The following THRB variants were observed in gnomAD, a reference collection of about 807,000 sequenced individuals.
THRB encodes the protein nuclear receptor subfamily 1 group A member 2.
THRB carries 12 observed loss-of-function variants against 47.8 expected under a neutral mutation model. That is an observed-to-expected ratio of 0.25 (90% CI 0.16 to 0.41). The LOEUF is 0.41. Among genes scored for constraint, THRB ranks in the 10% least tolerant of loss-of-function variants. The pLI is 1.00. For synonymous variants in THRB, 218 were observed against 212.2 expected (o/e 1.03, Z -0.24); for missense variants, 348 against 589.2 (o/e 0.59, Z 4.24).
intron 4 of THRB, among the ~76,000 whole-genome samples, chr3:24,193,375 G>C (rs2043583855): frequency 6.6e-6 from 1 of 152,122 alleles, no homozygotes; most frequent in Admixed American, 6.5e-5. Context: ...GATCTATCAA[G>C]TTCTCCAGGT....
At chr3:24,439,211 T>C (rs1421743796) in intron 1 of THRB, among the ~76,000 whole-genome samples, 1 of 152,072 alleles carries the variant, frequency 6.6e-6, no homozygotes, top group Non-Finnish European at 1.5e-5. Context: ...TAGATGTCAT[T>C]GTCAAGGGCA....
chr3:24,395,778 A>G (rs2066913086), intron 1 of THRB, among the ~76,000 whole-genome samples: 2 of 152,154 alleles, frequency 1.3e-5, no homozygotes, highest in Admixed American at 1.3e-4. Context: ...TCCAAGATAA[A>G]TGAAAATGTA....
At chr3:24,465,267 C>T (rs1016251457) in intron 1 of THRB, among the ~76,000 whole-genome samples, 3 of 152,028 alleles carry the variant, frequency 2.0e-5, no homozygotes, top group Admixed American at 6.6e-5. Flanking sequence ...TGGTATCTAG[C>T]GTCTATTGTT....
At chr3:24,301,624 G>C (rs982139559) in intron 2 of THRB, among the ~76,000 whole-genome samples, 2 of 152,078 alleles carry the variant, frequency 1.3e-5, no homozygotes, top group Admixed American at 1.3e-4. Flanking sequence ...ACATTTCCCT[G>C]ACACTTGGGG....
At chr3:24,132,011 T>C (rs114097101) in intron 9 of THRB, among the ~76,000 whole-genome samples, 1,664 of 152,276 alleles carry the variant, frequency 0.011, 13 homozygotes, top group Non-Finnish European at 0.016. Context: ...ATGGCTTCTG[T>C]GGAGGCTCAG....
intron 5 of THRB, among the ~76,000 whole-genome samples, chr3:24,175,861 C>A (rs186828417): frequency 7.2e-5 from 11 of 152,178 alleles, no homozygotes; most frequent in Admixed American, 7.2e-4. Flanking sequence ...CAGTGGAAAA[C>A]TGAGGGGTGC....
intron 3 of THRB, among the ~76,000 whole-genome samples, chr3:24,238,661 GTC>G (rs1422176164): frequency 6.6e-6 from 1 of 152,124 alleles, no homozygotes; most frequent in Non-Finnish European, 1.5e-5. Context: ...GGGAGACAGT[GTC>G]TCTCAGTCTG....
intron 1 of THRB, among the ~76,000 whole-genome samples, chr3:24,491,899 T>C (rs1698195870): frequency 6.6e-6 from 1 of 152,274 alleles, no homozygotes; most frequent in African/African-American, 2.4e-5. Context: ...AGGATTTCCA[T>C]GTATTCAAGG....
chr3:24,358,530 T>A (rs1327928646), intron 1 of THRB, among the ~76,000 whole-genome samples: 1 of 152,196 alleles, frequency 6.6e-6, no homozygotes, highest in African/African-American at 2.4e-5. Context: ...GAATAATGCA[T>A]CCTTTTCTCA....
rs62253714 is a variant in THRB, at chr3:24,218,152, C to G, written c.22+10786G>C. Among the ~76,000 whole-genome samples the G allele has an allele frequency of 5.4e-3, 819 of 152,036 alleles. 6 individuals carry two copies. The highest frequency in any genetic ancestry group is 0.042 in the South Asian group (203 of 4,804). On this transcript the variant is annotated intron_variant, in intron 4 of 10. Coordinates refer to ENST00000646209, the MANE Select transcript of THRB (RefSeq NM_001354712.2). ...GCATGGTGGCAGGCACCTGTAATCCCAGCTACTCGGGAGGTTGAGGCAGGA... is the reference window on the plus strand; with the variant it reads ...GCATGGTGGCAGGCACCTGTAATCCGAGCTACTCGGGAGGTTGAGGCAGGA...
chr3:24,250,763 G>A (rs2050584277), intron 3 of THRB, among the ~76,000 whole-genome samples: 1 of 151,918 alleles, frequency 6.6e-6, no homozygotes, highest in Non-Finnish European at 1.5e-5. Context: ...AAAAATACAT[G>A]GAAACACAAT....
At chr3:24,382,444 G>A (rs1396701195) in intron 1 of THRB, among the ~76,000 whole-genome samples, 1 of 151,908 alleles carries the variant, frequency 6.6e-6, no homozygotes, top group African/African-American at 2.4e-5. Context: ...GAACAAGACT[G>A]GTAAACATTA....
intron 2 of THRB, among the ~76,000 whole-genome samples, chr3:24,311,575 G>A (rs754328943): frequency 6.6e-6 from 1 of 152,102 alleles, no homozygotes; most frequent in Non-Finnish European, 1.5e-5. Context: ...TTTTACACCT[G>A]AGTCCGTATC....
At chr3:24,467,635 T>C (rs763312448) in intron 1 of THRB, among the ~76,000 whole-genome samples, 4 of 152,220 alleles carry the variant, frequency 2.6e-5, no homozygotes, top group Admixed American at 6.5e-5. Flanking sequence ...GGTGACTAGA[T>C]GCATTGTCAG....
chr3:24,354,406 A>G (rs535162105), intron 1 of THRB, among the ~76,000 whole-genome samples: 1 of 152,224 alleles, frequency 6.6e-6, no homozygotes, highest in Non-Finnish European at 1.5e-5. Context: ...GGAACTTCAA[A>G]TGCTATCACA....
intron 2 of THRB, among the ~76,000 whole-genome samples, chr3:24,314,469 T>C (rs567768552): frequency 6.6e-6 from 1 of 152,354 alleles, no homozygotes; most frequent in South Asian, 2.1e-4. Flanking sequence ...CCTGCTATTA[T>C]GTGGCAATTT....
chr3:24,303,506 A>G (rs558345522), intron 2 of THRB, among the ~76,000 whole-genome samples: 3 of 152,310 alleles, frequency 2.0e-5, no homozygotes, highest in Admixed American at 6.5e-5. Context: ...AGCATGCCCG[A>G]TTATCATCGC....
chr3:24,394,496 T>C (rs376494466), intron 1 of THRB, among the ~76,000 whole-genome samples: 5 of 152,084 alleles, frequency 3.3e-5, no homozygotes, highest in Admixed American at 6.6e-5. Flanking sequence ...GCACAGAACA[T>C]TGGGTATGGA....
chr3:24,299,795 T>A (rs1487849041), intron 2 of THRB, among the ~76,000 whole-genome samples: 1 of 121,808 alleles, frequency 8.2e-6, no homozygotes, highest in Non-Finnish European at 1.7e-5. Flanking sequence ...ATTTATTTTT[T>A]TTTTTTTAGC....
Sources: allele counts gnomAD v4.1 joint callset (sites outside exome capture counted in the v4.1 genomes callset), GRCh38; gene constraint gnomAD v4.1.1; transcripts MANE v1.5; gene names NCBI Gene and HGNC (gene_info 2026-07-23, HGNC 2026-07-21).